Variants in PCDHGA5 observed in about 807,000 individuals in gnomAD.
The protein encoded by PCDHGA5 is protocadherin gamma-A5.
In PCDHGA5, 36 loss-of-function variants were observed where a neutral mutation model predicts 56.7. The observed-to-expected ratio is 0.64, with a 90% CI of 0.49 to 0.84. The LOEUF (loss-of-function observed/expected upper bound fraction) is 0.84, where lower values mean the gene tolerates loss of function less well. Among genes scored for constraint, PCDHGA5 ranks in the 40% least tolerant of loss-of-function variants. The probability of loss-of-function intolerance (pLI) is 0.00; values close to 1 mark genes in which losing one functional copy is unlikely to be tolerated. For missense variants in PCDHGA5, 1,305 were observed against 1,201.5 expected, an observed-to-expected ratio of 1.09 and a Z score of -1.27; for synonymous variants, 563 against 520.2, an observed-to-expected ratio of 1.08 and a Z score of -1.12.
intron 1 of PCDHGA5, chr5:141,389,708 G>A: frequency 6.2e-7 from 1 of 1,612,610 alleles, no homozygotes; most frequent in South Asian, 1.1e-5. Context: ...ACGTGCTGCA[G>A]GCTAGCGAGC....
At chr5:141,409,898 G>A in intron 1 of PCDHGA5, 1 of 1,613,240 alleles carries the variant, frequency 6.2e-7, no homozygotes, top group Non-Finnish European at 8.5e-7. Flanking sequence ...GCTGTACCCA[G>A]CTCTGGGTCC....
chr5:141,466,090 C>A (rs983505253), intron 1 of PCDHGA5, among the ~76,000 whole-genome samples: 2 of 152,068 alleles, frequency 1.3e-5, no homozygotes, highest in African/African-American at 4.8e-5. Context: ...CCACTGCACT[C>A]CAGCCTGGGC....
intron 1 of PCDHGA5, chr5:141,418,636 C>G (rs564881404): frequency 6.2e-7 from 1 of 1,613,980 alleles, no homozygotes; most frequent in South Asian, 1.1e-5. Context: ...CTCCAGGCAC[C>G]TCCATCCTGA....
intron 2 of PCDHGA5, among the ~76,000 whole-genome samples, chr5:141,499,879 G>C (rs1470090790): frequency 9.2e-5 from 14 of 151,952 alleles, no homozygotes. Flanking sequence ...GTACAAACAG[G>C]GTTTCGCCAT....
rs531773756 is a variant in PCDHGA5 at position 141,417,037 on chromosome 5, TTA to T, written c.2421+50287_2421+50288del. On this transcript the variant is annotated intron_variant, in intron 1 of 3. Coordinates refer to ENST00000518069, the MANE Select transcript of PCDHGA5 (RefSeq NM_018918.3). ...ATTTTGAAAAATACAGGTTTTTTTT[TTA>T]AAAAAAACTGCTCTTGACATTGTAG... 5.9e-5 allele frequency: 9 copies of T among 151,574 alleles called. 1 individual carries two copies. Among genetic ancestry groups the T allele is most frequent in the Admixed American group, 2.0e-4 (3 of 15,204 alleles). The allele number at this position is 151,574 out of a possible 1,614,324, so 9.4% of individuals were successfully genotyped here.
chr5:141,393,049 C>T (rs2092663894), intron 1 of PCDHGA5: 4 of 1,613,486 alleles, frequency 2.5e-6, no homozygotes, highest in South Asian at 1.1e-5. Context: ...GCTCTGAACC[C>T]GCGCAGCGGC....
rs1468315559 is a variant in PCDHGA5 at position 141,493,636 on chromosome 5, G to A, written c.2422-1171G>A. 1.3e-5 allele frequency among the ~76,000 whole-genome samples: 2 copies of A among 152,130 alleles called. No individual in the cohort carries two copies. Among genetic ancestry groups the A allele is most frequent in the Non-Finnish European group, 2.9e-5 (2 of 68,040 alleles). The stretch of plus-strand genomic sequence containing the variant: ...TGTGTCTAAGAATACAGTGGCTGAG[G>A]GCTGGCCATCCCTGTGCCCTTCTCC... On this transcript the variant is annotated intron_variant, in intron 1 of 3. Transcript: ENST00000518069. The surrounding 1 kb of genome is among the most constrained non-coding windows in gnomAD (Gnocchi z 4.3).
chr5:141,499,423 G>GA (rs1229901490), intron 2 of PCDHGA5, among the ~76,000 whole-genome samples: 1 of 151,754 alleles, frequency 6.6e-6, no homozygotes, highest in Non-Finnish European at 1.5e-5. Flanking sequence ...ATGAAAAATA[G>GA]AAAAAAAATT....
At chr5:141,395,105 G>A in intron 1 of PCDHGA5, 1 of 1,614,220 alleles carries the variant, frequency 6.2e-7, no homozygotes, top group East Asian at 2.2e-5. Context: ...CCGACTCGCG[G>A]AAGAGTCACC....
chr5:141,387,788 A>G, intron 1 of PCDHGA5: 2 of 1,487,916 alleles, frequency 1.3e-6, no homozygotes, highest in Non-Finnish European at 1.8e-6. Flanking sequence ...TGGAACTGCA[A>G]CTAAAGTCCG....
chr5:141,384,787 C>T (rs761655907), intron 1 of PCDHGA5: 32 of 1,613,552 alleles, frequency 2.0e-5, no homozygotes, highest in Non-Finnish European at 2.4e-5. Flanking sequence ...GCGCACGGCT[C>T]GGGCCCTGCT....
chr5:141,420,840 T>A (rs2096528017), intron 1 of PCDHGA5, among the ~76,000 whole-genome samples: 1 of 152,250 alleles, frequency 6.6e-6, no homozygotes, highest in African/African-American at 2.4e-5. Flanking sequence ...TCGCAGGTGT[T>A]CTTGGTAAAG....
chr5:141,497,473 AGGT>A (rs2099776769), intron 2 of PCDHGA5, among the ~76,000 whole-genome samples: 1 of 151,750 alleles, frequency 6.6e-6, no homozygotes. Flanking sequence ...ATGGAGGAGA[AGGT>A]GCGGAACCTC....
rs1561863583 is a variant in PCDHGA5, at chr5:141,432,685, C to A, written c.2422-62122C>A. Reference sequence around the variant, plus strand: ...ACAGAGACGCGCTCAAGCAGAGCCTCGTAGTGGCCGTCCAGGACCACGGCC... The same window carrying A: ...ACAGAGACGCGCTCAAGCAGAGCCTAGTAGTGGCCGTCCAGGACCACGGCC... On this transcript the variant is annotated intron_variant, in intron 1 of 3. Transcript: ENST00000518069. The surrounding 1 kb of genome is among the most constrained non-coding windows in gnomAD (Gnocchi z 6.0). 3.7e-6 allele frequency: 6 copies of A among 1,613,932 alleles called. No individual in the cohort carries two copies. Among genetic ancestry groups the A allele is most frequent in the Non-Finnish European group, 5.1e-6 (6 of 1,179,966 alleles).
Position 141,388,955 on chromosome 5 carries a change from C to T in PCDHGA5, c.2421+22204C>T, listed in dbSNP as rs183330174. ...CTCTACCCAACCTAATTATGGAGGA[C>T]GCCGAGCTGGGAACACATATTGCTT... On this transcript the variant is annotated intron_variant, in intron 1 of 3. Transcript: ENST00000518069. 126 of 1,613,914 alleles carry T rather than the reference C, an allele frequency of 7.8e-5. 1 individual carries two copies. In the African/African-American group the frequency reaches 1.3e-3, roughly 17 times the overall value.
At chr5:141,410,893 G>A (rs1302061377) in intron 1 of PCDHGA5, 5 of 276,602 alleles carry the variant, frequency 1.8e-5, no homozygotes, top group South Asian at 4.6e-5. Context: ...TCGCACTGTT[G>A]CCTAGGCTGG....
intron 1 of PCDHGA5, among the ~76,000 whole-genome samples, chr5:141,445,458 A>G (rs1427391084): frequency 6.6e-6 from 1 of 152,248 alleles, no homozygotes; most frequent in Non-Finnish European, 1.5e-5. Flanking sequence ...TGCAGCAATG[A>G]ACAAGGCATA....
chr5:141,372,928 T>C, intron 1 of PCDHGA5: 1 of 925,756 alleles, frequency 1.1e-6, no homozygotes, highest in Non-Finnish European at 1.6e-6. Context: ...GATTTTCTGG[T>C]GTAGAGTAGG....
intron 1 of PCDHGA5, among the ~76,000 whole-genome samples, chr5:141,433,664 C>G (rs1027404017): frequency 6.6e-6 from 1 of 151,966 alleles, no homozygotes; most frequent in South Asian, 2.1e-4. Flanking sequence ...GGAGAAACCC[C>G]GTCTATACTA....
Sources: gnomAD v4.1 joint callset for allele counts (sites outside exome capture counted in the v4.1 genomes callset) on GRCh38, gnomAD v4.1.1 for gene constraint, Gnocchi (gnomAD v3.1) non-coding constraint, MANE v1.5 for transcripts, NCBI Gene and HGNC (gene_info 2026-07-23, HGNC 2026-07-21) for gene names.